Variants in OR2AT4 observed in about 807,000 individuals in gnomAD.
The protein encoded by OR2AT4 is olfactory receptor family 2 subfamily AT member 4.
In OR2AT4, 6 loss-of-function variants were observed where a neutral mutation model predicts 10.3. That is an observed-to-expected ratio of 0.58 (90% CI 0.32 to 1.15). The LOEUF (loss-of-function observed/expected upper bound fraction) is 1.15. Ranked by LOEUF, OR2AT4 falls within the 50% of genes most tolerant of loss-of-function variation. The probability of loss-of-function intolerance (pLI) is 0.05; values close to 1 mark genes in which losing one functional copy is unlikely to be tolerated. For missense variants in OR2AT4, 354 were observed against 393.8 expected (o/e 0.90, Z 0.85); for synonymous variants, 145 against 159.1 (o/e 0.91, Z 0.67).
chr11:75,091,014 A>C (rs1294432724), intron 1 of OR2AT4, among the ~76,000 whole-genome samples: 1 of 152,224 alleles, frequency 6.6e-6, no homozygotes, highest in African/African-American at 2.4e-5. Context: ...GGGTGAGGAG[A>C]TAAGGATCAA....
chr11:75,094,831 G>A (rs1450944822), intron 1 of OR2AT4, among the ~76,000 whole-genome samples: 3 of 152,056 alleles, frequency 2.0e-5, no homozygotes, highest in Non-Finnish European at 2.9e-5. Context: ...TCTACAGTTC[G>A]GCCCCAATTA....
At chr11:75,094,870 C>T (rs1156314851) in intron 1 of OR2AT4, among the ~76,000 whole-genome samples, 1 of 152,218 alleles carries the variant, frequency 6.6e-6, no homozygotes, top group Non-Finnish European at 1.5e-5. Context: ...ACTGCTGCAC[C>T]TCCACTTAAG....
At chr11:75,095,126 T>C (rs1327278892) in intron 1 of OR2AT4, among the ~76,000 whole-genome samples, 1 of 152,190 alleles carries the variant, frequency 6.6e-6, no homozygotes, top group Non-Finnish European at 1.5e-5. Flanking sequence ...AGACAGATGC[T>C]GAGTCTGAAG....
exon 2 of OR2AT4, chr11:75,088,974 C>T (rs375045988): frequency 1.9e-6 from 3 of 1,614,046 alleles, no homozygotes; most frequent in Non-Finnish European, 2.5e-6. Flanking sequence ...AAGGTGGGAG[C>T]TGCAGGTGGA....
At chr11:75,087,554 C>T (rs1949296674) in exon 2 of OR2AT4, 1 of 152,262 alleles carries the variant, frequency 6.6e-6, no homozygotes, top group Admixed American at 6.5e-5. Context: ...CGCCACTGCA[C>T]TCCAGCCTGG....
intron 1 of OR2AT4, among the ~76,000 whole-genome samples, chr11:75,091,672 A>G (rs952828398): frequency 1.3e-5 from 2 of 151,832 alleles, no homozygotes; most frequent in South Asian, 2.1e-4. Flanking sequence ...TTGATACGGT[A>G]TGACTTAATT....
chr11:75,093,970 G>C (rs974737873), intron 1 of OR2AT4, among the ~76,000 whole-genome samples: 1 of 151,672 alleles, frequency 6.6e-6, no homozygotes, highest in East Asian at 1.9e-4. Context: ...TTACAGGCAT[G>C]TGCCATCATG....
exon 2 of OR2AT4, chr11:75,088,916 G>T (rs749519897): frequency 6.2e-7 from 1 of 1,614,024 alleles, no homozygotes; most frequent in African/African-American, 1.3e-5. Context: ...CAGCCCTGTA[G>T]GCCACGTAGG....
At chr11:75,089,512 G>C in exon 2 of OR2AT4, 5 of 1,614,190 alleles carry the variant, frequency 3.1e-6, no homozygotes, top group Non-Finnish European at 4.2e-6. Flanking sequence ...AGATTGATCA[G>C]AAAGAAGTAC....
At position 75,089,729 on chromosome 11, in the gene OR2AT4, G is replaced by A. The variant is rs759914740; in HGVS notation, c.-16C>T. On this transcript the variant is annotated 5_prime_UTR_variant, in exon 2 of 2. Coordinates refer to ENST00000641504, the Ensembl canonical transcript of OR2AT4. ...TGGCATCCATTGTGAGACACAGCTG[G>A]ATTTCTCAGAGATGGGCAGCTGGAA... 1.8e-5 allele frequency: 29 copies of A among 1,595,850 alleles called. 1 individual carries two copies. In the South Asian group the frequency reaches 3.3e-4, roughly 18 times the overall value.
chr11:75,086,904 C>G (rs1367185636), exon 2 of OR2AT4: 1 of 152,210 alleles, frequency 6.6e-6, no homozygotes, highest in East Asian at 1.9e-4. Context: ...GAGCTCTTTA[C>G]TGTCTTCATA....
intron 1 of OR2AT4, among the ~76,000 whole-genome samples, chr11:75,093,804 C>CTTTTT (rs1166766222): frequency 9.1e-5 from 8 of 88,350 alleles, no homozygotes; most frequent in Non-Finnish European, 1.3e-4. Context: ...TTTTCTTTTT[C>CTTTTT]TTTTTCTTTT....
chr11:75,088,092 T>C (rs1242067433), exon 2 of OR2AT4: 1 of 152,254 alleles, frequency 6.6e-6, no homozygotes, highest in African/African-American at 2.4e-5. Flanking sequence ...ATTTTTATGG[T>C]TTATTCAATC....
At chr11:75,086,462 A>T (rs916504144) in exon 2 of OR2AT4, 16 of 152,350 alleles carry the variant, frequency 1.1e-4, no homozygotes, top group Non-Finnish European at 2.2e-4. Flanking sequence ...CCTAGAATAT[A>T]CAAAGAACAC....
exon 2 of OR2AT4, chr11:75,089,397 A>T: frequency 6.2e-7 from 1 of 1,614,188 alleles, no homozygotes; most frequent in South Asian, 1.1e-5. Flanking sequence ...GAAGAGGTAC[A>T]TCTGCAGTAA....
chr11:75,089,293 T>C (rs1399803141), exon 2 of OR2AT4: 1 of 1,614,110 alleles, frequency 6.2e-7, no homozygotes, highest in Non-Finnish European at 8.5e-7. Context: ...TGTGGGTTCA[T>C]GAGGACAGGG....
At chr11:75,088,927 C>T (rs1949303574) in exon 2 of OR2AT4, 2 of 1,614,130 alleles carry the variant, frequency 1.2e-6, no homozygotes, top group Admixed American at 3.3e-5. Context: ...GCCACGTAGG[C>T]TATGGCAATA....
chr11:75,088,284 C>G (rs1464104537), exon 2 of OR2AT4: 1 of 152,476 alleles, frequency 6.6e-6, no homozygotes, highest in Non-Finnish European at 1.5e-5. Flanking sequence ...TTCTGTTTTT[C>G]TACATGCATA....
chr11:75,088,607 G>T, exon 2 of OR2AT4: 2 of 779,890 alleles, frequency 2.6e-6, no homozygotes, highest in Non-Finnish European at 3.6e-6. Flanking sequence ...AAGGTTTCTT[G>T]AATTACTAAG....
Sources: gnomAD v4.1 joint callset for allele counts (sites outside exome capture counted in the v4.1 genomes callset) on GRCh38, gnomAD v4.1.1 for gene constraint, MANE v1.5 for transcripts, NCBI Gene and HGNC (gene_info 2026-07-23, HGNC 2026-07-21) for gene names.